The following ENOX1 variants were observed in gnomAD, a reference collection of about 807,000 sequenced individuals.
ENOX1 encodes the protein candidate growth-related and time keeping constitutive hydroquinone (NADH) oxidase.
ENOX1 carries 42 observed loss-of-function variants against 82.5 expected under a neutral mutation model. The ratio of observed to expected loss-of-function variants is 0.51; its 90% CI spans 0.40 to 0.66. ENOX1 has a LOEUF of 0.66. Among genes scored for constraint, ENOX1 ranks in the 30% least tolerant of loss-of-function variants. The pLI is 0.00. For synonymous variants in ENOX1, 271 were observed against 282.2 expected (o/e 0.96, Z 0.40); for missense variants, 608 against 811.6 (o/e 0.75, Z 3.05).
intron 1 of ENOX1, among the ~76,000 whole-genome samples, chr13:43,683,223 C>T (rs2085885300): frequency 6.6e-6 from 1 of 152,048 alleles, no homozygotes; most frequent in African/African-American, 2.4e-5. Context: ...TGCAAGGCAA[C>T]AGAAATTTTC....
chr13:43,435,022 G>A (rs918534826), intron 3 of ENOX1, among the ~76,000 whole-genome samples: 1 of 143,706 alleles, frequency 7.0e-6, no homozygotes, highest in African/African-American at 2.6e-5. Context: ...GTACACAAGA[G>A]GCAAGGAGAG....
In ENOX1 at chr13:43,766,959, C is replaced by G. The variant is rs557655619; in HGVS notation, c.-285+19693G>C. Among the ~76,000 whole-genome samples the G allele has an allele frequency of 8.0e-3, 257 of 32,126 alleles. 1 individual carries two copies. Among genetic ancestry groups the G allele is most frequent in the East Asian group, 0.032 (73 of 2,286 alleles). The allele number at this position is 32,126 out of a possible 152,430, so 21.1% of individuals were successfully genotyped here. A position where few individuals can be genotyped will look rare whatever the true frequency, so the allele number is the denominator to read the frequency against. ...TCATGGTGCCAAAATGAATGTCTCT[C>G]TTAAAAAAAAAAAAATTGCCCAATT... On this transcript the variant is annotated intron_variant, in intron 1 of 16. Coordinates refer to ENST00000690772, the MANE Select transcript of ENOX1 (RefSeq NM_001347969.2).
intron 3 of ENOX1, among the ~76,000 whole-genome samples, chr13:43,451,623 G>C (rs1176113825): frequency 6.6e-6 from 1 of 152,116 alleles, no homozygotes; most frequent in Non-Finnish European, 1.5e-5. Context: ...TATAAAACTA[G>C]TGTTTTTATT....
chr13:43,434,353 C>T (rs2055866678), intron 3 of ENOX1, among the ~76,000 whole-genome samples: 1 of 152,178 alleles, frequency 6.6e-6, no homozygotes, highest in African/African-American at 2.4e-5. Flanking sequence ...TCCCTCTAGT[C>T]CTTCGGCCTT....
intron 14 of ENOX1, among the ~76,000 whole-genome samples, chr13:43,247,869 A>T (rs1327244002): frequency 0.22 from 618 of 2,808 alleles, 74 homozygotes; most frequent in Non-Finnish European, 0.26. Context: ...ATATATATAT[A>T]TATATATATA....
At chr13:43,648,235 T>A (rs768322997) in intron 2 of ENOX1, among the ~76,000 whole-genome samples, 1 of 152,210 alleles carries the variant, frequency 6.6e-6, no homozygotes. Flanking sequence ...AAAGCATGTA[T>A]TTACTCACCA....
intron 11 of ENOX1, among the ~76,000 whole-genome samples, chr13:43,317,822 G>A (rs1022669271): frequency 1.3e-4 from 19 of 151,904 alleles, no homozygotes; most frequent in African/African-American, 3.6e-4. Flanking sequence ...TGGCTAACAC[G>A]GTGAAACCCC....
chr13:43,709,623 G>A (rs1264700948), intron 1 of ENOX1, among the ~76,000 whole-genome samples: 1 of 151,850 alleles, frequency 6.6e-6, no homozygotes, highest in Non-Finnish European at 1.5e-5. Context: ...GAGAAGGAGG[G>A]AGAAGGAAGA....
chr13:43,512,709 G>T (rs905461640), intron 2 of ENOX1, among the ~76,000 whole-genome samples: 2 of 148,660 alleles, frequency 1.3e-5, no homozygotes, highest in African/African-American at 5.0e-5. Flanking sequence ...TTGACCTGCT[G>T]CCTATCACTT....
At chr13:43,329,816 C>T (rs1314151008) in intron 9 of ENOX1, among the ~76,000 whole-genome samples, 4 of 152,150 alleles carry the variant, frequency 2.6e-5, no homozygotes, top group African/African-American at 9.7e-5. Context: ...ATTCACACGG[C>T]CCAGTTTTAC....
chr13:43,354,687 A>C (rs971464094), intron 8 of ENOX1, among the ~76,000 whole-genome samples: 18 of 152,292 alleles, frequency 1.2e-4, no homozygotes, highest in African/African-American at 4.3e-4. Flanking sequence ...TATGGAATAA[A>C]ACCCAAATCC....
At chr13:43,380,310 C>G (rs2051949760) in intron 5 of ENOX1, among the ~76,000 whole-genome samples, 1 of 151,368 alleles carries the variant, frequency 6.6e-6, no homozygotes, top group Non-Finnish European at 1.5e-5. Context: ...AAATAATTGC[C>G]TGAAAAGAGC....
chr13:43,616,204 A>ATATTTT (rs1457149422), intron 2 of ENOX1, among the ~76,000 whole-genome samples: 11 of 15,312 alleles, frequency 7.2e-4, no homozygotes, highest in Admixed American at 1.6e-3. Context: ...ATATATATAT[A>ATATTTT]TTTTTTTTTT....
At chr13:43,338,811 G>A (rs985715801) in intron 9 of ENOX1, among the ~76,000 whole-genome samples, 3 of 146,272 alleles carry the variant, frequency 2.1e-5, no homozygotes, top group Non-Finnish European at 1.5e-5. Context: ...TCAGCCTCCC[G>A]AGTATCTGGG....
At chr13:43,351,389 TTTC>T (rs2049777973) in intron 8 of ENOX1, among the ~76,000 whole-genome samples, 1 of 146,266 alleles carries the variant, frequency 6.8e-6, no homozygotes, top group Non-Finnish European at 1.5e-5. Flanking sequence ...GAGCAAAATA[TTTC>T]TTTTTATTTT....
At chr13:43,717,495 G>A (rs965372017) in intron 1 of ENOX1, among the ~76,000 whole-genome samples, 3 of 152,080 alleles carry the variant, frequency 2.0e-5, no homozygotes, top group African/African-American at 7.2e-5. Context: ...AGAATTTATG[G>A]CTAAGTTCCT....
chr13:43,683,383 T>C (rs2085895179), intron 1 of ENOX1, among the ~76,000 whole-genome samples: 1 of 152,124 alleles, frequency 6.6e-6, no homozygotes, highest in Non-Finnish European at 1.5e-5. Context: ...CAGCTGGTGA[T>C]GGGGAGAGAT....
At chr13:43,740,696 C>T (rs2089865083) in intron 1 of ENOX1, among the ~76,000 whole-genome samples, 1 of 152,156 alleles carries the variant, frequency 6.6e-6, no homozygotes, top group Non-Finnish European at 1.5e-5. Flanking sequence ...TCAACCTCCA[C>T]CCCAAACTCT....
chr13:43,780,605 C>A (rs1414592963), intron 1 of ENOX1, among the ~76,000 whole-genome samples: 1 of 152,204 alleles, frequency 6.6e-6, no homozygotes, highest in Admixed American at 6.5e-5. Flanking sequence ...GTGATTCTGT[C>A]AGGGTTGTCT....
Sources: allele counts gnomAD v4.1 joint callset (sites outside exome capture counted in the v4.1 genomes callset), GRCh38; gene constraint gnomAD v4.1.1; transcripts MANE v1.5; gene names NCBI Gene and HGNC (gene_info 2026-07-23, HGNC 2026-07-21).